Variants in NXN observed in about 807,000 individuals in gnomAD.
The protein encoded by NXN is nucleoredoxin, also known as nucleoredoxin 1.
A neutral mutation model predicts 48.6 loss-of-function variants in NXN; 16 were observed. That is an observed-to-expected ratio of 0.33 (90% CI 0.22 to 0.50). The LOEUF (loss-of-function observed/expected upper bound fraction) is 0.50, where lower values mean the gene tolerates loss of function less well. NXN is among the 20% of genes least tolerant of loss of function. The pLI is 0.98. For synonymous variants in NXN, 281 were observed against 269.6 expected (o/e 1.04, Z -0.41); for missense variants, 492 against 605.5 (o/e 0.81, Z 1.97).
rs932221406 is a variant in NXN, at chr17:885,842, G to A, written c.361-59764C>T. On this transcript the variant is annotated intron_variant, in intron 1 of 7. Coordinates refer to ENST00000336868, the MANE Select transcript of NXN (RefSeq NM_022463.5). ...ACTACAGGCGCCCGCCACCACGCCC[G>A]GCTAATTTTTTTTTTTTGTATTTTT... Among the ~76,000 whole-genome samples the A allele has an allele frequency of 1.2e-4, 15 of 126,936 alleles. No homozygotes were observed. In the East Asian group the frequency reaches 1.5e-3, roughly 13 times the overall value. The allele number at this position is 126,936 out of a possible 152,430, so 83.3% of individuals were successfully genotyped here. A position where few individuals can be genotyped will look rare whatever the true frequency, so the allele number is the denominator to read the frequency against.
chr17:912,302 T>C (rs2068644026), intron 1 of NXN, among the ~76,000 whole-genome samples: 1 of 152,132 alleles, frequency 6.6e-6, no homozygotes, highest in Admixed American at 6.6e-5. Flanking sequence ...AACGGTGTAG[T>C]TCAAACCAAC....
intron 1 of NXN, among the ~76,000 whole-genome samples, chr17:939,696 T>A (rs2068948818): frequency 6.6e-6 from 1 of 152,072 alleles, no homozygotes; most frequent in African/African-American, 2.4e-5. Context: ...ACACTCAAAA[T>A]ACATCCTAAT....
intron 1 of NXN, among the ~76,000 whole-genome samples, chr17:975,770 T>C (rs561898442): frequency 4.1e-4 from 62 of 152,324 alleles, no homozygotes; most frequent in Non-Finnish European, 6.9e-4. Context: ...CTCACTTCTA[T>C]GAGGCTGAAG....
chr17:816,259 C>A (rs896861642), intron 5 of NXN, among the ~76,000 whole-genome samples: 8 of 151,932 alleles, frequency 5.3e-5, no homozygotes, highest in African/African-American at 1.9e-4. Flanking sequence ...AGACCTGAAT[C>A]CCATGGATTA....
chr17:853,719 A>ATT (rs1190997449), intron 1 of NXN, among the ~76,000 whole-genome samples: 1,129 of 101,742 alleles, frequency 0.011, 26 homozygotes, highest in African/African-American at 0.033. Context: ...ATATATATAT[A>ATT]TATATTTTTT....
At chr17:809,417 C>G (rs541641685) in intron 5 of NXN, among the ~76,000 whole-genome samples, 9 of 152,342 alleles carry the variant, frequency 5.9e-5, no homozygotes, top group African/African-American at 2.2e-4. Flanking sequence ...TGCGCCGAGA[C>G]TGTCCCACGG....
intron 1 of NXN, among the ~76,000 whole-genome samples, chr17:853,486 G>A (rs1258307304): frequency 1.3e-5 from 2 of 151,192 alleles, no homozygotes; most frequent in Non-Finnish European, 3.0e-5. Flanking sequence ...CAGGCCCACT[G>A]AAGTCTCTTT....
intron 1 of NXN, among the ~76,000 whole-genome samples, chr17:884,162 A>G (rs548547409): frequency 6.6e-6 from 1 of 152,266 alleles, no homozygotes; most frequent in South Asian, 2.1e-4. Flanking sequence ...CGGAGCTTGC[A>G]GTGAGCTGAG....
chr17:888,780 C>T (rs1010128034), intron 1 of NXN, among the ~76,000 whole-genome samples: 1 of 151,644 alleles, frequency 6.6e-6, no homozygotes, highest in African/African-American at 2.4e-5. Context: ...CATGGAGAAA[C>T]CCCGTCTCTA....
At chr17:889,204 G>C (rs1014028553) in intron 1 of NXN, among the ~76,000 whole-genome samples, 1 of 151,574 alleles carries the variant, frequency 6.6e-6, no homozygotes, top group Admixed American at 6.6e-5. Flanking sequence ...AAAGCCCAGC[G>C]CCTGCACGTG....
In NXN at chr17:863,996, G is replaced by A. The variant is rs191309578; in HGVS notation, c.361-37918C>T. 1.5e-4 allele frequency: 235 copies of A among 1,535,292 alleles called. 1 individual carries two copies. The African/African-American group carries it at 2.5e-3, about 16-fold the overall frequency. ...AACACGTTAACCATTGCTCAGTTTC[G>A]GTGAAAGGACACAGTTACCGTTGCT... On this transcript the variant is annotated intron_variant, in intron 1 of 7. Transcript: ENST00000336868.
At chr17:972,127 C>T (rs562607077) in intron 1 of NXN, among the ~76,000 whole-genome samples, 48 of 152,238 alleles carry the variant, frequency 3.2e-4, no homozygotes, top group African/African-American at 1.1e-3. Flanking sequence ...ATGGTGAAAC[C>T]CCATCTCTAC....
In NXN at chr17:884,247, T is replaced by TAAATAAATAAATA. The variant is rs112696538; in HGVS notation, c.361-58170_361-58169insTATTTATTTATTT. 9.8e-4 allele frequency among the ~76,000 whole-genome samples: 147 copies of TAAATAAATAAATA among 149,364 alleles called. 1 individual carries two copies. Among genetic ancestry groups the TAAATAAATAAATA allele is most frequent in the African/African-American group, 2.8e-3 (111 of 40,326 alleles). The stretch of plus-strand genomic sequence containing the variant: ...AAAAATAAATAAATAAATAAATAAA[T>TAAATAAATAAATA]AATAAAACGAAGCTGTGTGTAGTGG... On this transcript the variant is annotated intron_variant, in intron 1 of 7. Coordinates refer to ENST00000336868, the MANE Select transcript of NXN (RefSeq NM_022463.5).
chr17:806,025 G>C (rs62069996), intron 5 of NXN, among the ~76,000 whole-genome samples: 1 of 151,782 alleles, frequency 6.6e-6, no homozygotes, highest in Non-Finnish European at 1.5e-5. Flanking sequence ...GTCCTCGCCC[G>C]GCCACAGTGA....
chr17:883,681 C>T (rs1326462381), intron 1 of NXN, among the ~76,000 whole-genome samples: 2 of 152,252 alleles, frequency 1.3e-5, no homozygotes, highest in East Asian at 1.9e-4. Context: ...TCAGTGGTCA[C>T]GGTCCCATCA....
At chr17:923,609 T>C (rs960503102) in intron 1 of NXN, among the ~76,000 whole-genome samples, 3 of 152,234 alleles carry the variant, frequency 2.0e-5, no homozygotes, top group African/African-American at 7.2e-5. Flanking sequence ...AACATATCCA[T>C]ATAGTCACTA....
chr17:931,563 G>A (rs566920467), intron 1 of NXN, among the ~76,000 whole-genome samples: 8 of 152,166 alleles, frequency 5.3e-5, no homozygotes, highest in East Asian at 3.9e-4. Context: ...TTGGCCGGGC[G>A]CAGTGGCTCA....
intron 1 of NXN, among the ~76,000 whole-genome samples, chr17:895,762 G>A (rs561887637): frequency 1.7e-5 from 1 of 58,102 alleles, no homozygotes; most frequent in East Asian, 3.0e-4. Context: ...AGCTTGCAGT[G>A]AGCCGAGATC....
intron 1 of NXN, among the ~76,000 whole-genome samples, chr17:927,643 G>A (rs1253445894): frequency 3.3e-5 from 5 of 151,430 alleles, no homozygotes; most frequent in African/African-American, 9.7e-5. Context: ...AGAAGGAGGC[G>A]GGCTCAGTGG....
Sources: gnomAD v4.1 joint callset for allele counts (sites outside exome capture counted in the v4.1 genomes callset) on GRCh38, gnomAD v4.1.1 for gene constraint, MANE v1.5 for transcripts, NCBI Gene and HGNC (gene_info 2026-07-23, HGNC 2026-07-21) for gene names.